Variants in DHX33 observed in about 807,000 individuals in gnomAD.
DHX33 encodes DEAH-box helicase 33, also known as ATP-dependent RNA helicase DHX33.
Under a neutral mutation model 72.5 loss-of-function variants are expected in DHX33, and 42 were observed. The observed-to-expected ratio is 0.58, with a 90% CI of 0.45 to 0.75. DHX33 has a LOEUF of 0.75. Ranked by LOEUF, DHX33 falls within the 30% of genes least tolerant of loss-of-function variation. The pLI is 0.00. For missense variants in DHX33, 842 were observed against 917.5 expected (o/e 0.92, Z 1.06); for synonymous variants, 358 against 366.1 (o/e 0.98, Z 0.25).
At chr17:5,455,669 C>A (rs1051922349) in intron 5 of DHX33, among the ~76,000 whole-genome samples, 12 of 152,242 alleles carry the variant, frequency 7.9e-5, no homozygotes, top group African/African-American at 2.7e-4. Context: ...GATATAAATG[C>A]TAGCACAGTG....
At chr17:5,447,380 C>T (rs1416668778) in intron 11 of DHX33, among the ~76,000 whole-genome samples, 3 of 152,036 alleles carry the variant, frequency 2.0e-5, no homozygotes, top group South Asian at 2.1e-4. Flanking sequence ...TTAGGCCGGG[C>T]GTGGTGGCTC....
At chr17:5,452,779 T>A (rs926633495) in intron 8 of DHX33, among the ~76,000 whole-genome samples, 1 of 152,188 alleles carries the variant, frequency 6.6e-6, no homozygotes, top group African/African-American at 2.4e-5. Flanking sequence ...CATATATGCA[T>A]ACATTTGCTC....
At chr17:5,463,219 C>G (rs1364489226) in intron 2 of DHX33, among the ~76,000 whole-genome samples, 1 of 152,174 alleles carries the variant, frequency 6.6e-6, no homozygotes, top group African/African-American at 2.4e-5. Flanking sequence ...CTCACATATA[C>G]ACTGGCATAA....
chr17:5,450,863 G>A lies in DHX33; in HGVS notation c.1468C>T (p.Leu490=). ...GCCATCTTTCTTCCCATTGGAGTCAGGGTAAGCTGGTCATCCTTATGTTCA... is the reference window on the plus strand; with the variant it reads ...GCCATCTTTCTTCCCATTGGAGTCAAGGTAAGCTGGTCATCCTTATGTTCA... The part of the protein sequence containing the change: ...ALEHKDDQLT[L]TPMGRKMAAF... The change falls in exon 9 of 12, where the codon CTG becomes TTG. Residue 490 remains leucine, a synonymous_variant. Transcript: ENST00000225296. 6.2e-7 allele frequency: 1 copy of A among 1,614,232 alleles called. No individual in the cohort carries two copies. The highest frequency in any genetic ancestry group is 1.3e-5 in the African/African-American group (1 of 75,058).
At position 5,453,484 on chromosome 17, in the gene DHX33, AAGG is replaced by A. The variant is rs1019012639; in HGVS notation, c.1396+93_1396+95del. On this transcript the variant is annotated intron_variant, in intron 8 of 11. Transcript: ENST00000225296. ...GTCATCCACAAAATTAAATAAACAA[AAGG>A]AGATGACCAATATACTTTATTTTTT... 6 of 957,922 alleles carry A rather than the reference AAGG, an allele frequency of 6.3e-6. No homozygotes were observed. In the African/African-American group the frequency reaches 9.7e-5, roughly 16 times the overall value. 59.3% of individuals were successfully genotyped at this position (957,922 alleles called of 1,614,324 possible). A position where few individuals can be genotyped will look rare whatever the true frequency, so the allele number is the denominator to read the frequency against.
At chr17:5,457,834 G>A (rs995139384) in intron 4 of DHX33, among the ~76,000 whole-genome samples, 2 of 152,102 alleles carry the variant, frequency 1.3e-5, no homozygotes, top group African/African-American at 2.4e-5. Context: ...GTAACCTAAT[G>A]CACCAGCAGC....
intron 8 of DHX33, among the ~76,000 whole-genome samples, chr17:5,452,628 G>C (rs1327051866): frequency 2.0e-5 from 3 of 152,162 alleles, no homozygotes; most frequent in African/African-American, 7.2e-5. Flanking sequence ...TGATGTGGGA[G>C]AATCACCTGA....
chr17:5,462,428 C>T lies in DHX33; in HGVS notation c.569G>A (p.Cys190Tyr). 6.2e-7 allele frequency: 1 copy of T among 1,614,230 alleles called. No individual in the cohort carries two copies. Among genetic ancestry groups the T allele is most frequent in the South Asian group, 1.1e-5 (1 of 91,090 alleles). The change falls in exon 3 of 12, where the codon TGT becomes TAT. Residue 190 changes from cysteine (C) to tyrosine (Y), a missense_variant. By Grantham distance (194) the Cys-to-Tyr change is radical. Coordinates refer to ENST00000225296, the MANE Select transcript of DHX33 (RefSeq NM_020162.4). ...TTCGTGAGCTTCATCCAAAATGACACAGCTGTATTTCCGAAGCAAAGAGTC... is the reference window on the plus strand; with the variant it reads ...TTCGTGAGCTTCATCCAAAATGACATAGCTGTATTTCCGAAGCAAAGAGTC... ...ISDSLLRKYS[C>Y]VILDEAHERT...
rs1011100715 is a variant in DHX33 at position 5,449,043 on chromosome 17, A to C, written c.1729-148T>G. 19 of 504,916 alleles carry C rather than the reference A, an allele frequency of 3.8e-5. 1 individual carries two copies. The highest frequency in any genetic ancestry group is 4.1e-4 in the Middle Eastern group (1 of 2,450). 31.3% of individuals were successfully genotyped at this position (504,916 alleles called of 1,614,324 possible). On this transcript the variant is annotated intron_variant, in intron 10 of 11. Coordinates refer to ENST00000225296, the MANE Select transcript of DHX33 (RefSeq NM_020162.4). ...CAATCCTCCCACCTCAGCCTCCCAG[A>C]TAGCTTGAACTATCTGCACATGCCA...
chr17:5,461,065 C>T lies in DHX33; in HGVS notation c.723G>A (p.Gln241=), dbSNP rs1904579954. ...SATMDVDLFS[Q]YFNGAPVLYL... is the part of the protein sequence containing the mutation. ...AGAGGACGGGGGCGCCATTGAAATA[C>T]TGAGAGAACAGGTCCACATCCATCG... The change falls in exon 4 of 12, where the codon CAG becomes CAA. Residue 241 remains glutamine (Q), a synonymous_variant. Coordinates refer to ENST00000225296, the MANE Select transcript of DHX33 (RefSeq NM_020162.4). 1 of 1,613,080 alleles carries T rather than the reference C, an allele frequency of 6.2e-7. No homozygotes were observed. The highest frequency in any genetic ancestry group is 1.1e-5 in the South Asian group (1 of 90,932).
chr17:5,453,389 C>T (rs1263593321), intron 8 of DHX33, among the ~76,000 whole-genome samples, 191 bp downstream of exon 8: 1 of 152,192 alleles, frequency 6.6e-6, no homozygotes, highest in Non-Finnish European at 1.5e-5. Context: ...GACCCTGTCT[C>T]TTTAAAAGTC....
At position 5,444,731 on chromosome 17, in the gene DHX33, T is replaced by C. The variant is rs917197776; in HGVS notation, c.1816-218A>G. On this transcript the variant is annotated intron_variant, in intron 11 of 11. Transcript: ENST00000225296. This position sits in a 1 kb window ranked among gnomAD's most constrained non-coding sequence, Gnocchi z 4.9. ...GAGCACGGACCAGAAACAGGGAAAC[T>C]ACCGCCTGTGAAGGTAGGGCTGGGA... is the stretch of plus-strand genomic sequence containing the variant. Among the ~76,000 whole-genome samples, 1 of 152,136 alleles carries C rather than the reference T, an allele frequency of 6.6e-6. No homozygotes were observed. The highest frequency in any genetic ancestry group is 2.4e-5 in the African/African-American group (1 of 41,432).
chr17:5,467,057 C>T (rs1904903808), intron 1 of DHX33, among the ~76,000 whole-genome samples: 2 of 152,142 alleles, frequency 1.3e-5, no homozygotes, highest in African/African-American at 4.8e-5. Context: ...ATCAACCAAT[C>T]GGGCCTAGTA....
In DHX33 at chr17:5,443,833, TGC is replaced by T. The variant is rs1433959847; in HGVS notation, c.*370_*371del. On this transcript the variant is annotated 3_prime_UTR_variant, in exon 12 of 12. Transcript: ENST00000225296. Reference sequence around the variant, plus strand: ...CTCCCAACTCACTGTACGTGTGTCGTGCGTGCTCCAGGCATAGTTCTGGGTAC... The same window carrying T: ...CTCCCAACTCACTGTACGTGTGTCGTGTGCTCCAGGCATAGTTCTGGGTAC... 1 of 69,154 alleles carries T rather than the reference TGC, an allele frequency of 1.4e-5. No homozygotes were observed. The highest frequency in any genetic ancestry group is 0.062 in the East Asian group (1 of 16). The allele number at this position is 69,154 out of a possible 1,614,324, so 4.3% of individuals were successfully genotyped here. A position where few individuals can be genotyped will look rare whatever the true frequency, so the allele number is the denominator to read the frequency against.
At chr17:5,466,042 T>C (rs951021856) in intron 1 of DHX33, among the ~76,000 whole-genome samples, 27 of 152,154 alleles carry the variant, frequency 1.8e-4, no homozygotes, top group African/African-American at 6.0e-4. Flanking sequence ...GTTAGCTCGA[T>C]TCTATCTTCT....
chr17:5,448,725 C>T (rs974380934), intron 11 of DHX33, 84 bp downstream of exon 11: 177 of 949,166 alleles, frequency 1.9e-4, no homozygotes, highest in Non-Finnish European at 2.3e-4. Context: ...CTTTTATAAT[C>T]ACTAGCAATA....
At chr17:5,448,303 C>T (rs1314970207) in intron 11 of DHX33, among the ~76,000 whole-genome samples, 1 of 152,238 alleles carries the variant, frequency 6.6e-6, no homozygotes, top group Non-Finnish European at 1.5e-5. Flanking sequence ...TGCTCACACA[C>T]AGGCACAGAG....
chr17:5,453,129 C>A (rs1338980748), intron 8 of DHX33, among the ~76,000 whole-genome samples: 1 of 152,190 alleles, frequency 6.6e-6, no homozygotes. Flanking sequence ...GATAAAAGTA[C>A]AATTTCATTA....
At position 5,462,466 on chromosome 17, in the gene DHX33, A is replaced by T. The variant is rs578258776; in HGVS notation, c.531T>A (p.Arg177=). 3.1e-6 allele frequency: 5 copies of T among 1,614,192 alleles called. No individual in the cohort carries two copies. In the South Asian group the frequency reaches 5.5e-5, roughly 18 times the overall value. ...GAAGCAAAGAGTCTGAAATTGCTTC[A>T]CGCAGAAGCATGCCATCTGTCAGAA... The part of the protein sequence containing the change: ...IKFLTDGMLL[R]EAISDSLLRK... The change falls in exon 3 of 12, where the codon CGT becomes CGA. Residue 177 remains arginine (R), a synonymous_variant. Coordinates refer to ENST00000225296, the MANE Select transcript of DHX33 (RefSeq NM_020162.4).
Sources: allele counts gnomAD v4.1 joint callset (sites outside exome capture counted in the v4.1 genomes callset), GRCh38; gene constraint gnomAD v4.1.1; non-coding constraint Gnocchi (gnomAD v3.1); transcripts MANE v1.5; gene names NCBI Gene and HGNC (gene_info 2026-07-23, HGNC 2026-07-21).